MAP3K5: variants seen among roughly 807,000 people sequenced by gnomAD.
MAP3K5 encodes the protein mitogen-activated protein kinase kinase kinase 5.
A neutral mutation model predicts 158.7 loss-of-function variants in MAP3K5; 56 were observed. The ratio of observed to expected loss-of-function variants is 0.35; its 90% confidence interval spans 0.28 to 0.44. The LOEUF (loss-of-function observed/expected upper bound fraction) is 0.44. Ranked by LOEUF, MAP3K5 falls within the 20% of genes least tolerant of loss-of-function variation. The pLI is 1.00. For missense variants in MAP3K5, 1,294 were observed against 1,674.8 expected (o/e 0.77, Z 3.97); for synonymous variants, 579 against 601.7 (o/e 0.96, Z 0.55).
At chr6:136,585,253 A>G (rs1775072928) in intron 23 of MAP3K5, among the ~76,000 whole-genome samples, 1 of 151,078 alleles carries the variant, frequency 6.6e-6, no homozygotes, top group Non-Finnish European at 1.5e-5. Context: ...GCTAGGGACT[A>G]TAGGCATGTG....
intron 1 of MAP3K5, among the ~76,000 whole-genome samples, chr6:136,737,226 G>C (rs1782514554): frequency 6.6e-6 from 1 of 151,796 alleles, no homozygotes; most frequent in African/African-American, 2.4e-5. Context: ...ATAGACACTG[G>C]GGATACTAGA....
rs1430838601 is a variant in MAP3K5 at position 136,614,179 on chromosome 6, A to G, written c.2258T>C (p.Phe753Ser). The change falls in exon 16 of 30, where the codon TTC becomes TCC. Residue 753 changes from phenylalanine to serine, a missense_variant. By Grantham distance (155) the Phe-to-Ser change is radical (BLOSUM62 -2). Transcript: ENST00000359015. ...CTTACCTCCAGGGACCTGCTCCATG[A>G]AGATTTTAATGAAACCATTCTCACT... Reference protein sequence around the residue: ...SFSENGFIKIFMEQVPGGSLS... With the variant: ...SFSENGFIKISMEQVPGGSLS... The G allele has an allele frequency of 6.2e-7, 1 of 1,613,654 alleles. No homozygotes were observed. Among genetic ancestry groups the G allele is most frequent in the Non-Finnish European group, 8.5e-7 (1 of 1,179,806 alleles).
intron 11 of MAP3K5, among the ~76,000 whole-genome samples, chr6:136,649,477 G>T (rs1224875331): frequency 1.3e-5 from 2 of 152,174 alleles, no homozygotes; most frequent in Non-Finnish European, 2.9e-5. Flanking sequence ...TCAGAATCAT[G>T]GATAAATCTT....
chr6:136,626,746 C>T (rs1399513027), intron 14 of MAP3K5, among the ~76,000 whole-genome samples: 1 of 152,032 alleles, frequency 6.6e-6, no homozygotes, highest in Non-Finnish European at 1.5e-5. Context: ...GTACCACCAC[C>T]ATTTTACACT....
chr6:136,668,409 A>G (rs188591988), intron 8 of MAP3K5, among the ~76,000 whole-genome samples: 86 of 152,270 alleles, frequency 5.6e-4, no homozygotes, highest in Admixed American at 4.6e-3. Flanking sequence ...TTTATTTTGA[A>G]GAAAAAGTTT....
chr6:136,757,347 G>T (rs890277887), intron 1 of MAP3K5, among the ~76,000 whole-genome samples: 1 of 152,200 alleles, frequency 6.6e-6, no homozygotes, highest in African/African-American at 2.4e-5. Flanking sequence ...CAGTTTACAG[G>T]AAGTAAGAGA....
intron 11 of MAP3K5, chr6:136,647,832 A>T (rs1294806012): frequency 6.6e-6 from 1 of 152,506 alleles, no homozygotes; most frequent in Non-Finnish European, 1.5e-5. Flanking sequence ...GAAGGACTCC[A>T]TGCCTCACTG....
chr6:136,723,507 T>A (rs555576749), intron 1 of MAP3K5, among the ~76,000 whole-genome samples: 1 of 152,164 alleles, frequency 6.6e-6, no homozygotes, highest in Non-Finnish European at 1.5e-5. Flanking sequence ...GGATTATGAA[T>A]TATTTTATTT....
Position 136,604,278 on chromosome 6 carries a change from C to T in MAP3K5, c.2679+931G>A, listed in dbSNP as rs561444529. On this transcript the variant is annotated intron_variant, in intron 19 of 29. Transcript: ENST00000359015. ...CGGAGGTTGCAGTGAGCCGAGATCG[C>T]GCCACTGCACTCCAGCCTGGGTGAT... Among the ~76,000 whole-genome samples the T allele has an allele frequency of 2.1e-4, 32 of 150,808 alleles. 1 individual carries two copies. In the South Asian group the frequency reaches 2.7e-3, roughly 13 times the overall value.
chr6:136,651,017 T>A lies in MAP3K5; in HGVS notation c.1755A>T (p.Thr585=). 1 of 1,612,108 alleles carries A rather than the reference T, an allele frequency of 6.2e-7. No homozygotes were observed. The highest frequency in any genetic ancestry group is 8.5e-7 in the Non-Finnish European group (1 of 1,178,808). ...LSINNEVEEK[T]ISIWHVLPDD... ...CAGGAAGCACGTGCCAAATAGAGATTGTCTTTTCCTCAACTTCATTGTTGA... is the reference window on the plus strand; with the variant it reads ...CAGGAAGCACGTGCCAAATAGAGATAGTCTTTTCCTCAACTTCATTGTTGA... The change falls in exon 11 of 30, where the codon ACA becomes ACT. Residue 585 remains threonine, a synonymous_variant. Coordinates refer to ENST00000359015, the MANE Select transcript of MAP3K5 (RefSeq NM_005923.4).
At chr6:136,639,301 CTTAG>C (rs1465969354) in intron 13 of MAP3K5, among the ~76,000 whole-genome samples, 5 of 151,874 alleles carry the variant, frequency 3.3e-5, no homozygotes, top group East Asian at 3.8e-4. Context: ...ACCAATAAGT[CTTAG>C]TTAATGTTTT....
At chr6:136,603,331 C>T (rs1307683264) in intron 19 of MAP3K5, among the ~76,000 whole-genome samples, 1 of 151,170 alleles carries the variant, frequency 6.6e-6, no homozygotes, top group Non-Finnish European at 1.5e-5. Flanking sequence ...TGCCACTGTG[C>T]CCCCCTAATT....
chr6:136,636,681 G>A (rs1033361047), intron 14 of MAP3K5: 4 of 266,640 alleles, frequency 1.5e-5, no homozygotes, highest in African/African-American at 2.3e-5. Context: ...GGTGGCTCAC[G>A]CCTGTAATTC....
At chr6:136,717,371 C>T (rs1467106626) in intron 2 of MAP3K5, among the ~76,000 whole-genome samples, 7 of 152,066 alleles carry the variant, frequency 4.6e-5, no homozygotes, top group Non-Finnish European at 7.4e-5. Flanking sequence ...TTTTTTTCTA[C>T]GATTTCTTCC....
intron 2 of MAP3K5, among the ~76,000 whole-genome samples, chr6:136,706,402 G>T (rs1477984960): frequency 6.6e-6 from 1 of 152,192 alleles, no homozygotes; most frequent in African/African-American, 2.4e-5. Flanking sequence ...CTAACTATCA[G>T]TATTGTTATT....
chr6:136,676,670 T>C (rs1377261711), intron 7 of MAP3K5, among the ~76,000 whole-genome samples: 1 of 152,172 alleles, frequency 6.6e-6, no homozygotes, highest in Non-Finnish European at 1.5e-5. Context: ...AAAAAGCATA[T>C]TGGCTTGAAG....
rs373435918 is a variant in MAP3K5 at position 136,608,974 on chromosome 6, G to A, written c.2521+2308C>T. On this transcript the variant is annotated intron_variant, in intron 18 of 29. Transcript: ENST00000359015. ...TATGATGTGCAGGGCCCTCGGGACC[G>A]GTGCTGGGGACAGATCTATACATGT... 2.4e-4 allele frequency among the ~76,000 whole-genome samples: 37 copies of A among 152,318 alleles called. 2 individuals carry two copies. Among genetic ancestry groups the A allele is most frequent in the East Asian group, 1.2e-3 (6 of 5,182 alleles).
intron 1 of MAP3K5, among the ~76,000 whole-genome samples, chr6:136,751,924 T>G (rs1783226837): frequency 6.6e-6 from 1 of 152,234 alleles, no homozygotes. Flanking sequence ...AGAATCCCAG[T>G]GACCACAGTA....
chr6:136,563,141 T>G (rs1191297726), intron 26 of MAP3K5, among the ~76,000 whole-genome samples: 1 of 152,062 alleles, frequency 6.6e-6, no homozygotes, highest in East Asian at 1.9e-4. Flanking sequence ...GACCCTCAGG[T>G]CCAGAAGCTA....
Sources: allele counts gnomAD v4.1 joint callset (sites outside exome capture counted in the v4.1 genomes callset), GRCh38; gene constraint gnomAD v4.1.1; transcripts MANE v1.5; gene names NCBI Gene and HGNC (gene_info 2026-07-23, HGNC 2026-07-21).